Variants in MTMR6 observed in about 807,000 individuals in gnomAD.
The protein encoded by MTMR6 is phosphatidylinositol-3,5-bisphosphate 3-phosphatase MTMR6.
A neutral mutation model predicts 80.1 loss-of-function variants in MTMR6; 47 were observed. The ratio of observed to expected loss-of-function variants is 0.59; its 90% confidence interval spans 0.46 to 0.75. MTMR6 has a LOEUF of 0.75. Among genes scored for constraint, MTMR6 ranks in the 30% least tolerant of loss-of-function variants. The pLI is 0.00. For missense variants in MTMR6, 629 were observed against 730.9 expected (o/e 0.86, Z 1.61); for synonymous variants, 254 against 253.0 (o/e 1.00, Z -0.04).
intron 6 of MTMR6, chr13:25,260,536 A>G (rs1593146305): frequency 1.0e-6 from 1 of 992,168 alleles, no homozygotes; most frequent in East Asian, 6.3e-5. Flanking sequence ...TCCTTTCACA[A>G]AGCTGCCTAA....
intron 1 of MTMR6, among the ~76,000 whole-genome samples, chr13:25,282,627 G>GA (rs1329270360): frequency 7.0e-6 from 1 of 143,288 alleles, no homozygotes; most frequent in Admixed American, 7.3e-5. Flanking sequence ...TTTTTTTTGA[G>GA]ACAGAGTGCT....
In MTMR6 at chr13:25,249,113, A is replaced by G; in HGVS notation, c.*119T>C. The stretch of plus-strand genomic sequence containing the variant: ...AGTTATTATCCTTCCTTCAACTATT[A>G]GCCTACTGTTAAACCCTAAAATTGT... On this transcript the variant is annotated 3_prime_UTR_variant, in exon 14 of 14. Coordinates refer to ENST00000381801, the MANE Select transcript of MTMR6 (RefSeq NM_004685.5). The G allele has an allele frequency of 9.8e-7, 1 of 1,024,576 alleles. No homozygotes were observed. Among genetic ancestry groups the G allele is most frequent in the South Asian group, 1.7e-5 (1 of 59,378 alleles). The allele number at this position is 1,024,576 out of a possible 1,614,324, so 63.5% of individuals were successfully genotyped here.
chr13:25,265,981 T>TC (rs1431135688), intron 4 of MTMR6, 34 bp from the exon 5 acceptor site: 1 of 1,606,934 alleles, frequency 6.2e-7, no homozygotes. Flanking sequence ...ACCATTGTAT[T>TC]CTTAGTTCAA....
chr13:25,266,016 T>C, intron 4 of MTMR6, 69 bp from the exon 5 acceptor site: 1 of 1,596,550 alleles, frequency 6.3e-7, no homozygotes, highest in Admixed American at 1.7e-5. Context: ...CCTTTAAACC[T>C]TATTAAATGC....
chr13:25,253,817 T>C lies in MTMR6; in HGVS notation c.1293A>G (p.Ser431=). The C allele has an allele frequency of 1.2e-6, 2 of 1,614,134 alleles. No individual in the cohort carries two copies. Among genetic ancestry groups the C allele is most frequent in the South Asian group, 1.1e-5 (1 of 91,084 alleles). The change falls in exon 11 of 14, where the codon TCA becomes TCG. Residue 431 remains serine, a synonymous_variant. Transcript: ENST00000381801. ...FLLQIHEHIH[S]CQFGNFLGNC... is the part of the protein sequence containing the mutation. ...TTCCAAGGAAGTTTCCAAACTGGCA[T>C]GAATGAATATGCTCATGGATCTGAA... is the stretch of plus-strand genomic sequence containing the variant.
intron 1 of MTMR6, among the ~76,000 whole-genome samples, chr13:25,280,330 G>T (rs935249715): frequency 2.6e-5 from 4 of 152,180 alleles, no homozygotes; most frequent in African/African-American, 9.7e-5. Context: ...GAATGTGACA[G>T]ATAGTGAAAT....
chr13:25,257,145 A>C (rs1957226859), intron 9 of MTMR6, 51 bp downstream of exon 9: 1 of 1,547,080 alleles, frequency 6.5e-7, no homozygotes, highest in Admixed American at 1.9e-5. Context: ...CTGGAGGAAC[A>C]TAAAATTACT....
intron 6 of MTMR6, 131 bp downstream of exon 6, chr13:25,261,537 G>T: frequency 1.3e-6 from 1 of 758,410 alleles, no homozygotes; most frequent in Non-Finnish European, 1.9e-6. Context: ...GATTTCCTTA[G>T]TATCATTAGC....
At chr13:25,273,082 C>A (rs756520078) in intron 2 of MTMR6, among the ~76,000 whole-genome samples, 15 of 151,902 alleles carry the variant, frequency 9.9e-5, no homozygotes, top group Admixed American at 2.0e-4. Context: ...AGGGTAAATT[C>A]TTTATAATCA....
rs555315747 is a variant in MTMR6, at chr13:25,259,887, AT to A, written c.727-1196del. 7.9e-3 allele frequency among the ~76,000 whole-genome samples: 1,190 copies of A among 150,004 alleles called. 19 individuals are homozygous for A. Among genetic ancestry groups the A allele is most frequent in the African/African-American group, 0.026 (1,075 of 41,076 alleles). Reference sequence around the variant, plus strand: ...AATTTCTATTTTTAAATAATTATTAATTTTTTTTTTGTCACCCAGTCTGGAG... The same window carrying A: ...AATTTCTATTTTTAAATAATTATTAATTTTTTTTTGTCACCCAGTCTGGAG... On this transcript the variant is annotated intron_variant, in intron 6 of 13. Coordinates refer to ENST00000381801, the MANE Select transcript of MTMR6 (RefSeq NM_004685.5).
At chr13:25,258,394 G>T (rs1957260754) in intron 7 of MTMR6, among the ~76,000 whole-genome samples, 166 bp downstream of exon 7, 1 of 152,056 alleles carries the variant, frequency 6.6e-6, no homozygotes. Flanking sequence ...TTGACTACAT[G>T]TTAAAATAAT....
Position 25,249,242 on chromosome 13 carries a change from A to T in MTMR6, c.1856T>A (p.Met619Lys). Residue 619 changes from methionine to lysine, a missense_variant, in exon 14 of 14, where the codon ATG becomes AAG. Coordinates refer to ENST00000381801, the MANE Select transcript of MTMR6 (RefSeq NM_004685.5). ...AAAAACTCTATGAGTCTAACAAGTC[A>T]TTCTTGCCACACCATACTCTAAGCT... Reference protein sequence around the residue: ...VVSLEYGVARMTC With the variant: ...VVSLEYGVARKTC 6.2e-7 allele frequency: 1 copy of T among 1,613,018 alleles called. No homozygotes were observed. The highest frequency in any genetic ancestry group is 8.5e-7 in the Non-Finnish European group (1 of 1,179,186).
chr13:25,282,814 C>T (rs558801953), intron 1 of MTMR6, among the ~76,000 whole-genome samples: 1 of 151,934 alleles, frequency 6.6e-6, no homozygotes, highest in Non-Finnish European at 1.5e-5. Context: ...CCATGTTGGC[C>T]AGGCTGGTTT....
At chr13:25,276,150 C>T (rs74042906) in intron 1 of MTMR6, among the ~76,000 whole-genome samples, 18,689 of 152,160 alleles carry the variant, frequency 0.12, 1,542 homozygotes, top group African/African-American at 0.23. Flanking sequence ...CAACCACCAC[C>T]GAGCAATTAT....
At chr13:25,273,525 ATT>A (rs61701580) in intron 2 of MTMR6, among the ~76,000 whole-genome samples, 5,867 of 137,428 alleles carry the variant, frequency 0.043, 302 homozygotes, top group African/African-American at 0.15. Flanking sequence ...GAACAATAGG[ATT>A]TTTTTTTTTT....
intron 5 of MTMR6, among the ~76,000 whole-genome samples, chr13:25,264,930 T>G (rs1375463651): frequency 6.6e-6 from 1 of 151,946 alleles, no homozygotes; most frequent in Non-Finnish European, 1.5e-5. Context: ...AATGTCAGTT[T>G]CCCCACTTGA....
intron 1 of MTMR6, among the ~76,000 whole-genome samples, chr13:25,274,939 G>GACAGACACACACACACACATAC (rs141646990): frequency 2.1e-4 from 9 of 43,030 alleles, no homozygotes; most frequent in African/African-American, 5.2e-4. Context: ...CTAGTAGACA[G>GACAGACACACACACACACATAC]ACACACACAC....
intron 5 of MTMR6, among the ~76,000 whole-genome samples, chr13:25,264,377 G>C (rs1957406284): frequency 6.6e-6 from 1 of 151,888 alleles, no homozygotes; most frequent in African/African-American, 2.4e-5. Flanking sequence ...ATAGAACAGA[G>C]GAAATTATCA....
chr13:25,277,989 A>T (rs1241033029), intron 1 of MTMR6, among the ~76,000 whole-genome samples: 1 of 152,220 alleles, frequency 6.6e-6, no homozygotes. Flanking sequence ...ACAGGATTCA[A>T]ATCCTAGCTG....
Sources: gnomAD v4.1 joint callset for allele counts (sites outside exome capture counted in the v4.1 genomes callset) on GRCh38, gnomAD v4.1.1 for gene constraint, MANE v1.5 for transcripts, NCBI Gene and HGNC (gene_info 2026-07-23, HGNC 2026-07-21) for gene names.